Variants in PEPD observed in about 807,000 individuals in gnomAD.
The protein encoded by PEPD is peptidase D, also known as xaa-Pro dipeptidase.
Under a neutral mutation model 60.7 loss-of-function variants are expected in PEPD, and 53 were observed. The ratio of observed to expected loss-of-function variants is 0.87; its 90% confidence interval spans 0.70 to 1.10. The LOEUF is 1.10. Among genes scored for constraint, PEPD ranks in the 50% least tolerant of loss-of-function variants. The pLI is 0.00. For synonymous variants in PEPD, 267 were observed against 284.1 expected, an observed-to-expected ratio of 0.94 and a Z score of 0.60; for missense variants, 711 against 711.9, an observed-to-expected ratio of 1.00 and a Z score of 0.01.
At chr19:33,396,865 T>G (rs188361561) in intron 12 of PEPD, among the ~76,000 whole-genome samples, 3 of 152,272 alleles carry the variant, frequency 2.0e-5, no homozygotes, top group Admixed American at 1.3e-4. Context: ...CAGGGACAGC[T>G]GTGCTGCTTC....
chr19:33,500,748 G>A (rs1370974582), intron 4 of PEPD, among the ~76,000 whole-genome samples, 190 bp downstream of exon 4: 1 of 152,206 alleles, frequency 6.6e-6, no homozygotes, highest in Non-Finnish European at 1.5e-5. Flanking sequence ...CAATGGCTCC[G>A]TAGAGAAGCC....
intron 1 of PEPD, among the ~76,000 whole-genome samples, chr19:33,516,413 C>T (rs988839134): frequency 1.2e-4 from 18 of 152,150 alleles, no homozygotes; most frequent in African/African-American, 4.3e-4. Flanking sequence ...AGCTCCAGGG[C>T]CTCAGAGACC....
chr19:33,452,216 C>A (rs552840233), intron 9 of PEPD, among the ~76,000 whole-genome samples: 1 of 152,232 alleles, frequency 6.6e-6, no homozygotes, highest in East Asian at 1.9e-4. Flanking sequence ...AAAAATTCAA[C>A]CACATCTACT....
intron 4 of PEPD, among the ~76,000 whole-genome samples, chr19:33,500,040 C>T (rs116279154): frequency 0.011 from 1,715 of 152,340 alleles, 36 homozygotes; most frequent in African/African-American, 0.039. Flanking sequence ...ACTGCAGCCC[C>T]GGCTCTTAGC....
Position 33,512,651 on chromosome 19 carries a change from A to AG in PEPD, c.142dup (p.Leu48ProfsTer32). On this transcript the variant is annotated frameshift_variant, in exon 2 of 15. Transcript: ENST00000244137. LOFTEE classifies it high-confidence loss of function. ...GCGCTGAGTCTCCTCCCCGCCCTGCAGGACCACGATGGAGCCGGCCTGCAC... is the reference window on the plus strand; with the variant it reads ...GCGCTGAGTCTCCTCCCCGCCCTGCAGGGACCACGATGGAGCCGGCCTGCAC... 1 of 1,614,004 alleles carries AG rather than the reference A, an allele frequency of 6.2e-7. No homozygotes were observed. The highest frequency in any genetic ancestry group is 8.5e-7 in the Non-Finnish European group (1 of 1,179,974).
At chr19:33,493,525 C>T in intron 4 of PEPD, 188 bp from the exon 5 acceptor site, 1 of 678,172 alleles carries the variant, frequency 1.5e-6, no homozygotes, top group Non-Finnish European at 2.7e-6. Context: ...CTTCTGAAAG[C>T]CACACAGCCA....
chr19:33,518,309 A>G (rs947594841), intron 1 of PEPD, among the ~76,000 whole-genome samples: 1 of 152,180 alleles, frequency 6.6e-6, no homozygotes, highest in Non-Finnish European at 1.5e-5. Context: ...CTCAGTGGCC[A>G]GCCTGCCTCC....
intron 7 of PEPD, among the ~76,000 whole-genome samples, chr19:33,473,093 C>T (rs1399599049): frequency 6.6e-6 from 1 of 152,172 alleles, no homozygotes; most frequent in Non-Finnish European, 1.5e-5. Flanking sequence ...AGAGGTCCAC[C>T]TCCACGCTGG....
chr19:33,432,114 A>G (rs1480854528), intron 9 of PEPD, among the ~76,000 whole-genome samples: 1 of 152,004 alleles, frequency 6.6e-6, no homozygotes, highest in Non-Finnish European at 1.5e-5. Flanking sequence ...GTGCAGCCCT[A>G]TCCCTTCCTC....
At chr19:33,426,088 G>T (rs573167955) in intron 9 of PEPD, among the ~76,000 whole-genome samples, 50 of 152,200 alleles carry the variant, frequency 3.3e-4, no homozygotes, top group Non-Finnish European at 6.3e-4. Flanking sequence ...CCAAAATGCT[G>T]GGATTACAGG....
At chr19:33,418,050 G>A (rs1005500184) in intron 9 of PEPD, among the ~76,000 whole-genome samples, 12 of 152,116 alleles carry the variant, frequency 7.9e-5, no homozygotes, top group South Asian at 2.1e-4. Flanking sequence ...GCTGCCCCTC[G>A]CCCTCACGGA....
intron 3 of PEPD, among the ~76,000 whole-genome samples, chr19:33,506,069 C>T (rs971976261): frequency 1.5e-5 from 2 of 131,894 alleles, no homozygotes; most frequent in African/African-American, 5.6e-5. Context: ...ACACCCCCAT[C>T]GCAAACACCT....
chr19:33,478,694 A>G (rs1970265289), intron 6 of PEPD, among the ~76,000 whole-genome samples: 1 of 152,192 alleles, frequency 6.6e-6, no homozygotes, highest in African/African-American at 2.4e-5. Context: ...TTAAAAAAAA[A>G]AGTCCACCAA....
intron 9 of PEPD, among the ~76,000 whole-genome samples, chr19:33,424,454 A>G (rs4239576): frequency 0.37 from 56,777 of 152,114 alleles, 11,378 homozygotes; most frequent in African/African-American, 0.52. Flanking sequence ...TTATTCTGGG[A>G]TCCACACCTG....
chr19:33,490,125 GC>G (rs1368033585), intron 5 of PEPD, 68 bp from the exon 6 acceptor site: 9 of 1,091,776 alleles, frequency 8.2e-6, no homozygotes, highest in Non-Finnish European at 1.3e-5. Flanking sequence ...CACCCCTGAG[GC>G]CTCCAGCTAG....
chr19:33,475,528 A>T (rs908249282), intron 7 of PEPD, among the ~76,000 whole-genome samples: 8 of 152,096 alleles, frequency 5.3e-5, no homozygotes, highest in Admixed American at 5.2e-4. Context: ...GCTTGCTTTA[A>T]TAAAGTTGGG....
intron 12 of PEPD, among the ~76,000 whole-genome samples, chr19:33,400,018 A>G (rs1968452356): frequency 6.6e-6 from 1 of 152,088 alleles, no homozygotes; most frequent in Non-Finnish European, 1.5e-5. Flanking sequence ...TGGGGCCTGC[A>G]TCCTGGACTC....
Position 33,402,093 on chromosome 19 carries a change from G to A in PEPD, c.819-224C>T, listed in dbSNP as rs979197267. On this transcript the variant is annotated intron_variant, in intron 11 of 14. Coordinates refer to ENST00000244137, the MANE Select transcript of PEPD (RefSeq NM_000285.4). ...TCCTGGAAGACCTGTGTCTTCCAGG[G>A]AAAAAGGGACTCAGGGCTCAGCCCA... 5.3e-5 allele frequency among the ~76,000 whole-genome samples: 8 copies of A among 152,174 alleles called. No homozygotes were observed. In the East Asian group the frequency reaches 1.5e-3, roughly 29 times the overall value.
chr19:33,432,649 G>T (rs1969298021), intron 9 of PEPD, among the ~76,000 whole-genome samples: 1 of 152,262 alleles, frequency 6.6e-6, no homozygotes, highest in Non-Finnish European at 1.5e-5. Flanking sequence ...AAACGAGCCT[G>T]CTGCCATGAA....
Sources: gnomAD v4.1 joint callset for allele counts (sites outside exome capture counted in the v4.1 genomes callset) on GRCh38, gnomAD v4.1.1 for gene constraint, MANE v1.5 for transcripts, NCBI Gene and HGNC (gene_info 2026-07-23, HGNC 2026-07-21) for gene names.